EXOSC10: variants seen among roughly 807,000 people sequenced by gnomAD.
The protein encoded by EXOSC10 is exosome complex component 10.
Under a neutral mutation model 126.6 loss-of-function variants are expected in EXOSC10, and 94 were observed. The ratio of observed to expected loss-of-function variants is 0.74; its 90% CI spans 0.63 to 0.88. EXOSC10 has a LOEUF of 0.88. Ranked by LOEUF, EXOSC10 falls within the 40% of genes least tolerant of loss-of-function variation. EXOSC10 has a pLI of 0.00. For missense variants in EXOSC10, 1,041 were observed against 1,100.5 expected (o/e 0.95, Z 0.77); for synonymous variants, 395 against 400.8 (o/e 0.99, Z 0.17).
intron 1 of EXOSC10, among the ~76,000 whole-genome samples, chr1:11,099,002 T>C (rs951685244): frequency 4.6e-5 from 7 of 152,192 alleles, no homozygotes; most frequent in Non-Finnish European, 8.8e-5. Flanking sequence ...CCAGGAACTA[T>C]TGAGAGCCAT....
Position 11,091,553 on chromosome 1 carries a change from CTGT to C in EXOSC10, c.414_416del (p.Gln139del). 1 of 1,614,134 alleles carries C rather than the reference CTGT, an allele frequency of 6.2e-7. No individual in the cohort carries two copies. The highest frequency in any genetic ancestry group is 8.5e-7 in the Non-Finnish European group (1 of 1,180,006). On this transcript the variant is annotated inframe_deletion, in exon 4 of 25. Coordinates refer to ENST00000376936, the MANE Select transcript of EXOSC10 (RefSeq NM_001001998.3). Reference sequence around the variant, plus strand: ...CCTGCAAGCCGGCAGGGAGGACAGGCTGTTGATTCTTGTTTACACCTGAGGCTT... The same window carrying C: ...CCTGCAAGCCGGCAGGGAGGACAGGCTGATTCTTGTTTACACCTGAGGCTT...
chr1:11,077,689 CA>C, intron 14 of EXOSC10, 38 bp from the exon 15 acceptor site: 2 of 1,576,206 alleles, frequency 1.3e-6, no homozygotes, highest in Non-Finnish European at 1.7e-6. Context: ...GAAAGTTGCC[CA>C]AGCACCTCAA....
intron 7 of EXOSC10, 44 bp from the exon 8 acceptor site, chr1:11,087,954 C>A (rs746812296): frequency 7.4e-7 from 1 of 1,356,848 alleles, no homozygotes; most frequent in South Asian, 1.2e-5. Flanking sequence ...ATATAGAAAT[C>A]ATCCCCCAGT....
chr1:11,099,484 G>A (rs1413031345), intron 1 of EXOSC10, among the ~76,000 whole-genome samples: 1 of 152,370 alleles, frequency 6.6e-6, no homozygotes, highest in Admixed American at 6.5e-5. Flanking sequence ...ATGCGAGACG[G>A]CTTTCCACAT....
At chr1:11,082,443 G>A in intron 10 of EXOSC10, 5 of 893,036 alleles carry the variant, frequency 5.6e-6, no homozygotes, top group Non-Finnish European at 7.9e-6. Flanking sequence ...TACTGGTGCG[G>A]CACCTCTTTT....
rs567988377 is a variant in EXOSC10 at position 11,079,128 on chromosome 1, G to A, written c.1749+583C>T. Reference sequence around the variant, plus strand: ...GTGGATCACCTGAGGTCAGGAGTTCGAGACCAGCCTGGCCAACATGGTGAA... The same window carrying A: ...GTGGATCACCTGAGGTCAGGAGTTCAAGACCAGCCTGGCCAACATGGTGAA... On this transcript the variant is annotated intron_variant, in intron 14 of 24. Coordinates refer to ENST00000376936, the MANE Select transcript of EXOSC10 (RefSeq NM_001001998.3). 1.3e-4 allele frequency among the ~76,000 whole-genome samples: 20 copies of A among 152,040 alleles called. No homozygotes were observed. The South Asian group carries it at 2.5e-3, about 19-fold the overall frequency.
chr1:11,078,834 G>A lies in EXOSC10; in HGVS notation c.1749+877C>T, dbSNP rs530084225. On this transcript the variant is annotated intron_variant, in intron 14 of 24. Coordinates refer to ENST00000376936, the MANE Select transcript of EXOSC10 (RefSeq NM_001001998.3). Reference sequence around the variant, plus strand: ...GAACAGTGAATTGGCCCAGTTACCAGACAGTACTTGCTGCTGAATCATCAA... The same window carrying A: ...GAACAGTGAATTGGCCCAGTTACCAAACAGTACTTGCTGCTGAATCATCAA... 5.9e-5 allele frequency among the ~76,000 whole-genome samples: 9 copies of A among 152,250 alleles called. No homozygotes were observed. The South Asian group carries it at 1.9e-3, about 32-fold the overall frequency.
intron 19 of EXOSC10, 31 bp downstream of exon 19, chr1:11,073,903 C>CTCTTTTAGAACAGGT: frequency 1.5e-6 from 1 of 685,134 alleles, no homozygotes; most frequent in Middle Eastern, 3.6e-4. Flanking sequence ...AAAAAAAAGT[C>CTCTTTTAGAACAGGT]TCTTTTAGAA....
Position 11,091,104 on chromosome 1 carries a change from G to A in EXOSC10, c.553C>T (p.Leu185Phe), listed in dbSNP as rs759298369. Residue 185 changes from leucine to phenylalanine, a missense_variant, in exon 5 of 25, where the codon CTC becomes TTC. Physicochemically the swap from Leu to Phe is conservative, Grantham distance 22 (BLOSUM62 0). This residue lies in a region of EXOSC10 where 645 missense variants were observed against 656.3 expected (regional missense o/e 0.98). Coordinates refer to ENST00000376936, the MANE Select transcript of EXOSC10 (RefSeq NM_001001998.3). ...LHAKNIIRPQLKFREKIDNSN... is the reference protein window; with the variant it reads ...LHAKNIIRPQFKFREKIDNSN... The stretch of plus-strand genomic sequence containing the variant: ...TTGTCAATCTTCTCTCGAAACTTGA[G>A]CTGAGGTCGGATGATATTTTTTGCA... 9 of 1,614,048 alleles carry A rather than the reference G, an allele frequency of 5.6e-6. No individual in the cohort carries two copies. Among genetic ancestry groups the A allele is most frequent in the Non-Finnish European group, 5.9e-6 (7 of 1,180,034 alleles).
intron 19 of EXOSC10, 42 bp downstream of exon 19, chr1:11,073,892 A>AG (rs771367983): frequency 7.5e-7 from 1 of 1,336,830 alleles, no homozygotes; most frequent in Non-Finnish European, 1.0e-6. Flanking sequence ...AAAAAAAAAA[A>AG]AAAAAAAAGT....
intron 6 of EXOSC10, 66 bp from the exon 7 acceptor site, chr1:11,088,264 C>G (rs1278606689): frequency 3.4e-5 from 39 of 1,162,584 alleles, no homozygotes; most frequent in Non-Finnish European, 4.7e-5. Flanking sequence ...AAAAATAATG[C>G]CTTTTATCCA....
chr1:11,079,102 G>A (rs957644298), intron 14 of EXOSC10, among the ~76,000 whole-genome samples: 2 of 151,980 alleles, frequency 1.3e-5, no homozygotes, highest in Admixed American at 1.3e-4. Flanking sequence ...AGGCCCAGGT[G>A]GTGGATCACC....
chr1:11,083,768 C>T (rs1236099181), intron 9 of EXOSC10, among the ~76,000 whole-genome samples: 1 of 152,052 alleles, frequency 6.6e-6, no homozygotes, highest in Non-Finnish European at 1.5e-5. Context: ...CCAATGCTAT[C>T]CCTCCCCCCT....
At position 11,068,850 on chromosome 1, in the gene EXOSC10, T is replaced by C. The variant is rs1639270145; in HGVS notation, c.2489-144A>G. On this transcript the variant is annotated intron_variant, in intron 22 of 24. Coordinates refer to ENST00000376936, the MANE Select transcript of EXOSC10 (RefSeq NM_001001998.3). ...TGTCACGATGAGGGGCTAGGGCTCATGGCTCACATAAATGAATACATAGCG... is the reference window on the plus strand; with the variant it reads ...TGTCACGATGAGGGGCTAGGGCTCACGGCTCACATAAATGAATACATAGCG... 1.9e-5 allele frequency: 13 copies of C among 693,126 alleles called. No homozygotes were observed. In the Admixed American group the frequency reaches 2.8e-4, roughly 15 times the overall value. 42.9% of individuals were successfully genotyped at this position (693,126 alleles called of 1,614,324 possible).
chr1:11,090,169 T>C (rs185759614), intron 6 of EXOSC10, among the ~76,000 whole-genome samples: 8 of 152,222 alleles, frequency 5.3e-5, no homozygotes, highest in African/African-American at 1.4e-4. Context: ...GGCTAATTTT[T>C]GTATTTTCAG....
Position 11,089,643 on chromosome 1 carries a change from A to G in EXOSC10, c.758+911T>C, listed in dbSNP as rs548249764. Among the ~76,000 whole-genome samples, 26 of 150,684 alleles carry G rather than the reference A, an allele frequency of 1.7e-4. No individual in the cohort carries two copies. The Middle Eastern group carries it at 0.01, about 60-fold the overall frequency. On this transcript the variant is annotated intron_variant, in intron 6 of 24. Transcript: ENST00000376936. ...TCCCAAAAAAAAAAAAAAAGAAAGA[A>G]AGAAAGAAAGAAAGAAAACATGGGC... is the stretch of plus-strand genomic sequence containing the variant.
Position 11,091,549 on chromosome 1 carries a change from C to T in EXOSC10, c.421G>A (p.Val141Ile). The T allele has an allele frequency of 6.2e-7, 1 of 1,614,186 alleles. No homozygotes were observed. The change falls in exon 4 of 25, where the codon GTC becomes ATC. Residue 141 changes from valine to isoleucine, a missense_variant. Around this residue, in one of 3 missense-constraint regions of EXOSC10, gnomAD observed 645 missense variants for 656.3 expected, o/e 0.98. Transcript: ENST00000376936. ...ASGVNKNQQP[V>I]LPAGLQVPKT... ...GGGACCTGCAAGCCGGCAGGGAGGA[C>T]AGGCTGTTGATTCTTGTTTACACCT...
chr1:11,088,213 C>A lies in EXOSC10; in HGVS notation c.759-15G>T. ...GATGTGCAAACCTGAGTAAATAAAA[C>A]AAAAAGAGAAATCATTCTGATTAAT... On this transcript the variant is annotated splice_polypyrimidine_tract_variant and intron_variant, in intron 6 of 24. Coordinates refer to ENST00000376936, the MANE Select transcript of EXOSC10 (RefSeq NM_001001998.3). 1.3e-6 allele frequency: 2 copies of A among 1,577,356 alleles called. No individual in the cohort carries two copies. The highest frequency in any genetic ancestry group is 1.1e-5 in the South Asian group (1 of 87,548).
At chr1:11,094,565 T>C (rs1640967563) in intron 3 of EXOSC10, among the ~76,000 whole-genome samples, 1 of 151,276 alleles carries the variant, frequency 6.6e-6, no homozygotes, top group African/African-American at 2.4e-5. Flanking sequence ...CCTCCCAAAG[T>C]GCTGGGATTA....
Sources: gnomAD v4.1 joint callset for allele counts (sites outside exome capture counted in the v4.1 genomes callset) on GRCh38, gnomAD v4.1.1 for gene constraint, gnomAD v4.1.1 regional missense constraint, MANE v1.5 for transcripts, NCBI Gene and HGNC (gene_info 2026-07-23, HGNC 2026-07-21) for gene names.